PXDNL: variants seen among roughly 807,000 people sequenced by gnomAD.
PXDNL encodes the protein peroxidasin like.
A neutral mutation model predicts 150.8 loss-of-function variants in PXDNL; 145 were observed. That is an observed-to-expected ratio of 0.96 (90% CI 0.84 to 1.10). PXDNL has a LOEUF of 1.10. Ranked by LOEUF, PXDNL falls within the 50% of genes least tolerant of loss-of-function variation. The probability of loss-of-function intolerance (pLI) is 0.00; values close to 1 mark genes in which losing one functional copy is unlikely to be tolerated. For missense variants in PXDNL, 2,087 were observed against 1,873.9 expected (o/e 1.11, Z -2.10); for synonymous variants, 757 against 725.7 (o/e 1.04, Z -0.69).
chr8:51,586,474 G>C (rs1161785782), intron 3 of PXDNL, among the ~76,000 whole-genome samples: 1 of 152,164 alleles, frequency 6.6e-6, no homozygotes, highest in African/African-American at 2.4e-5. Flanking sequence ...AGCTGAGAGA[G>C]TGGACAAGAA....
intron 4 of PXDNL, among the ~76,000 whole-genome samples, chr8:51,550,678 A>G (rs1812460555): frequency 6.6e-6 from 1 of 152,194 alleles, no homozygotes; most frequent in Non-Finnish European, 1.5e-5. Flanking sequence ...GAAGGGAAAT[A>G]CCCTAAGGTA....
At chr8:51,770,648 C>T (rs1272587848) in intron 1 of PXDNL, among the ~76,000 whole-genome samples, 1 of 152,176 alleles carries the variant, frequency 6.6e-6, no homozygotes, top group Non-Finnish European at 1.5e-5. Flanking sequence ...AACTACTCAT[C>T]TAATTTAAAG....
At chr8:51,388,630 T>C (rs1448726181) in intron 17 of PXDNL, among the ~76,000 whole-genome samples, 4 of 152,192 alleles carry the variant, frequency 2.6e-5, no homozygotes, top group African/African-American at 7.2e-5. Context: ...ATAACTCTTC[T>C]ATTGCTAACC....
At chr8:51,608,526 A>C (rs1421039853) in intron 2 of PXDNL, among the ~76,000 whole-genome samples, 2 of 148,778 alleles carry the variant, frequency 1.3e-5, no homozygotes, top group African/African-American at 5.1e-5. Flanking sequence ...CAAAGCATTA[A>C]TAGGACAAAG....
At chr8:51,668,176 CT>C (rs71550279) in intron 1 of PXDNL, among the ~76,000 whole-genome samples, 16 of 77,388 alleles carry the variant, frequency 2.1e-4, no homozygotes, top group South Asian at 5.6e-4. Context: ...CTCGCTCTCT[CT>C]TTTTTTTTTT....
At chr8:51,713,957 A>G (rs764812125) in intron 1 of PXDNL, among the ~76,000 whole-genome samples, 11 of 152,206 alleles carry the variant, frequency 7.2e-5, no homozygotes, top group Admixed American at 6.5e-4. Context: ...TGCAAAATCC[A>G]TATAAATAAA....
In PXDNL at chr8:51,707,889, G is replaced by A. The variant is rs76723807; in HGVS notation, c.165-53129C>T. On this transcript the variant is annotated intron_variant, in intron 1 of 22. Coordinates refer to ENST00000356297, the MANE Select transcript of PXDNL (RefSeq NM_144651.5). ...TAAGGCTGAATAATAGTCCACGTGT[G>A]TGTGTGCGCGTGCATACATATATAT... Among the ~76,000 whole-genome samples, 903 of 152,256 alleles carry A rather than the reference G, an allele frequency of 5.9e-3. 14 individuals carry two copies. Among genetic ancestry groups the A allele is most frequent in the African/African-American group, 0.021 (860 of 41,548 alleles).
At chr8:51,530,639 C>T (rs1811878666) in intron 4 of PXDNL, among the ~76,000 whole-genome samples, 1 of 152,166 alleles carries the variant, frequency 6.6e-6, no homozygotes, top group Admixed American at 6.5e-5. Context: ...CCTGCTTTTC[C>T]TTAAACACAC....
At chr8:51,330,338 A>T (rs1336138398) in intron 21 of PXDNL, among the ~76,000 whole-genome samples, 6 of 152,200 alleles carry the variant, frequency 3.9e-5, no homozygotes, top group African/African-American at 1.4e-4. Context: ...AATGCAAAGA[A>T]AAAACTGAGA....
At chr8:51,499,663 G>A in intron 5 of PXDNL, 36 bp downstream of exon 5, 1 of 1,504,828 alleles carries the variant, frequency 6.6e-7, no homozygotes, top group Non-Finnish European at 9.2e-7. Flanking sequence ...AAAATGTAAA[G>A]CAGAAGCAAA....
chr8:51,362,302 G>A (rs1806777982), intron 19 of PXDNL, among the ~76,000 whole-genome samples: 1 of 152,102 alleles, frequency 6.6e-6, no homozygotes, highest in African/African-American at 2.4e-5. Flanking sequence ...ATTCCTTAAT[G>A]GGCTCCATGC....
intron 2 of PXDNL, among the ~76,000 whole-genome samples, chr8:51,645,212 CT>C (rs1814891324): frequency 6.6e-6 from 1 of 152,100 alleles, no homozygotes; most frequent in African/African-American, 2.4e-5. Context: ...CTCCCTCTGA[CT>C]TTTTGTTCTA....
intron 21 of PXDNL, among the ~76,000 whole-genome samples, chr8:51,334,018 T>C (rs766645413): frequency 6.6e-5 from 10 of 152,112 alleles, no homozygotes; most frequent in Non-Finnish European, 1.3e-4. Flanking sequence ...AGAATACACA[T>C]TCTATTCAAC....
chr8:51,386,840 AAG>A (rs1275495462), intron 17 of PXDNL, among the ~76,000 whole-genome samples: 4 of 152,018 alleles, frequency 2.6e-5, no homozygotes, highest in South Asian at 2.1e-4. Context: ...AAAAAAAAGA[AAG>A]AGTCTTTTCT....
intron 1 of PXDNL, among the ~76,000 whole-genome samples, chr8:51,655,377 G>A (rs6473636): frequency 0.18 from 27,437 of 152,034 alleles, 3,882 homozygotes; most frequent in African/African-American, 0.39. Flanking sequence ...TTAAGTAATA[G>A]GGATGCAAAG....
Position 51,753,536 on chromosome 8 carries a change from T to C in PXDNL, c.164+55645A>G, listed in dbSNP as rs141056516. ...CTTTTTATGTGTTCATTCTGATCCA[T>C]AGTATCGCATGATCATCCTTAAACA... On this transcript the variant is annotated intron_variant, in intron 1 of 22. Transcript: ENST00000356297. Among the ~76,000 whole-genome samples, 873 of 152,344 alleles carry C rather than the reference T, an allele frequency of 5.7e-3. 12 individuals carry two copies. Among genetic ancestry groups the C allele is most frequent in the African/African-American group, 0.018 (746 of 41,574 alleles).
chr8:51,798,172 C>T (rs2037582726), intron 1 of PXDNL, among the ~76,000 whole-genome samples: 1 of 152,058 alleles, frequency 6.6e-6, no homozygotes, highest in African/African-American at 2.4e-5. Context: ...ATACCTTATA[C>T]AAAAATTAAC....
At chr8:51,442,488 G>A (rs1443557053) in intron 12 of PXDNL, among the ~76,000 whole-genome samples, 3 of 151,584 alleles carry the variant, frequency 2.0e-5, no homozygotes, top group Non-Finnish European at 4.4e-5. Context: ...CAAGATTCTA[G>A]CTAATGAGTT....
chr8:51,409,622 G>C (rs527743512), intron 16 of PXDNL, 61 bp from the exon 17 acceptor site: 1 of 1,419,900 alleles, frequency 7.0e-7, no homozygotes, highest in South Asian at 1.4e-5. Flanking sequence ...GGGCAACTTG[G>C]AACTCCAGAT....
Sources: gnomAD v4.1 joint callset for allele counts (sites outside exome capture counted in the v4.1 genomes callset) on GRCh38, gnomAD v4.1.1 for gene constraint, MANE v1.5 for transcripts, NCBI Gene and HGNC (gene_info 2026-07-23, HGNC 2026-07-21) for gene names.